ROBO2: variants seen among roughly 807,000 people sequenced by gnomAD.
ROBO2 encodes the protein roundabout guidance receptor 2, also known as roundabout homolog 2.
A neutral mutation model predicts 160.8 loss-of-function variants in ROBO2; 53 were observed. That is an observed-to-expected ratio of 0.33 (90% CI 0.26 to 0.41). The LOEUF (loss-of-function observed/expected upper bound fraction) is 0.41, where lower values mean the gene tolerates loss of function less well. Among genes scored for constraint, ROBO2 ranks in the 10% least tolerant of loss-of-function variants. The probability of loss-of-function intolerance (pLI) is 1.00; values close to 1 mark genes in which losing one functional copy is unlikely to be tolerated. For synonymous variants in ROBO2, 664 were observed against 611.7 expected (o/e 1.09, Z -1.26); for missense variants, 1,577 against 1,722.4 (o/e 0.92, Z 1.49).
intron 2 of ROBO2, among the ~76,000 whole-genome samples, chr3:76,378,157 A>T (rs567350705): frequency 6.6e-6 from 1 of 152,200 alleles, no homozygotes; most frequent in African/African-American, 2.4e-5. Flanking sequence ...TGATTAGATG[A>T]ATAAACCTTA....
chr3:77,326,163 T>G (rs913769038), intron 2 of ROBO2, among the ~76,000 whole-genome samples: 3 of 152,200 alleles, frequency 2.0e-5, no homozygotes, highest in Non-Finnish European at 4.4e-5. Context: ...ATGGAATGAT[T>G]CCAGTCGTAA....
chr3:76,485,176 A>C (rs1471670871), intron 2 of ROBO2, among the ~76,000 whole-genome samples: 2 of 152,028 alleles, frequency 1.3e-5, no homozygotes, highest in African/African-American at 4.8e-5. Context: ...GAAAAAGTAT[A>C]CAATTCTCAT....
intron 2 of ROBO2, among the ~76,000 whole-genome samples, chr3:76,955,971 TGGC>T (rs2079226527): frequency 6.6e-6 from 1 of 151,992 alleles, no homozygotes; most frequent in Non-Finnish European, 1.5e-5. Context: ...CAGTGGAATG[TGGC>T]CTTAACCCAC....
intron 2 of ROBO2, among the ~76,000 whole-genome samples, chr3:77,258,868 G>A (rs866735501): frequency 1.4e-4 from 21 of 152,276 alleles, no homozygotes; most frequent in Middle Eastern, 6.8e-3. Context: ...TTAATTCATG[G>A]ATGCTTTGCA....
chr3:75,971,911 T>A (rs1200039091), intron 2 of ROBO2, among the ~76,000 whole-genome samples: 1 of 151,556 alleles, frequency 6.6e-6, no homozygotes, highest in Admixed American at 6.6e-5. Context: ...AAGTACATAA[T>A]AAAATATAGC....
intron 2 of ROBO2, among the ~76,000 whole-genome samples, chr3:76,470,248 G>A (rs2078586361): frequency 6.6e-6 from 1 of 152,150 alleles, no homozygotes. Flanking sequence ...ATTGATAAGT[G>A]GATTCTATTT....
At chr3:76,756,695 G>A (rs1252347357) in intron 2 of ROBO2, among the ~76,000 whole-genome samples, 3 of 151,676 alleles carry the variant, frequency 2.0e-5, no homozygotes, top group African/African-American at 7.3e-5. Context: ...ACTGGATAGC[G>A]GCCGGGAGTA....
At chr3:76,646,785 A>G (rs535453742) in intron 2 of ROBO2, among the ~76,000 whole-genome samples, 2 of 152,310 alleles carry the variant, frequency 1.3e-5, no homozygotes, top group African/African-American at 4.8e-5. Flanking sequence ...GGATGCAATA[A>G]TCACAGCAAT....
At chr3:77,117,128 A>G (rs1424972016) in intron 2 of ROBO2, among the ~76,000 whole-genome samples, 1 of 152,202 alleles carries the variant, frequency 6.6e-6, no homozygotes, top group Non-Finnish European at 1.5e-5. Flanking sequence ...TTGCACTGTA[A>G]ATATGCTTTG....
At chr3:77,416,518 A>G (rs1296273561) in intron 2 of ROBO2, among the ~76,000 whole-genome samples, 6 of 151,918 alleles carry the variant, frequency 3.9e-5, no homozygotes, top group East Asian at 1.9e-4. Flanking sequence ...TGAGTTTGAG[A>G]ACAGCATGGC....
At chr3:77,522,729 C>T (rs374934235) in intron 5 of ROBO2, 46 bp from the exon 6 acceptor site, 154 of 1,574,484 alleles carry the variant, frequency 9.8e-5, no homozygotes, top group East Asian at 4.5e-4. Context: ...TGTTATTATC[C>T]GTATAGCTAC....
At chr3:77,108,615 T>G (rs1183686593) in intron 2 of ROBO2, among the ~76,000 whole-genome samples, 1 of 152,106 alleles carries the variant, frequency 6.6e-6, no homozygotes, top group East Asian at 1.9e-4. Flanking sequence ...CAGTGAACCT[T>G]CCACCCTGGT....
intron 1 of ROBO2, among the ~76,000 whole-genome samples, chr3:77,068,442 A>G (rs1399818906): frequency 2.0e-5 from 3 of 152,120 alleles, no homozygotes; most frequent in Non-Finnish European, 2.9e-5. Context: ...TATTAAGAAT[A>G]TAATCTTTGT....
intron 2 of ROBO2, among the ~76,000 whole-genome samples, chr3:76,751,737 A>G (rs911665383): frequency 9.9e-5 from 15 of 152,268 alleles, no homozygotes; most frequent in African/African-American, 2.9e-4. Context: ...CAAAACCACA[A>G]TGAGATACCA....
chr3:77,439,760 T>C (rs1247151273), intron 2 of ROBO2, among the ~76,000 whole-genome samples: 1 of 152,122 alleles, frequency 6.6e-6, no homozygotes, highest in African/African-American at 2.4e-5. Flanking sequence ...TCCCCAATTT[T>C]CCTCTCATTT....
intron 5 of ROBO2, among the ~76,000 whole-genome samples, chr3:77,516,527 A>G (rs143744332): frequency 1.3e-5 from 2 of 151,710 alleles, no homozygotes; most frequent in African/African-American, 4.8e-5. Flanking sequence ...TTTGTTTTAT[A>G]CATTCTGCTA....
intron 2 of ROBO2, among the ~76,000 whole-genome samples, chr3:76,877,488 C>A (rs1372491328): frequency 6.6e-6 from 1 of 152,106 alleles, no homozygotes; most frequent in Non-Finnish European, 1.5e-5. Context: ...GAAACATGAT[C>A]AATACAAACC....
chr3:76,644,228 C>T (rs2090850552), intron 2 of ROBO2, among the ~76,000 whole-genome samples: 1 of 152,130 alleles, frequency 6.6e-6, no homozygotes, highest in African/African-American at 2.4e-5. Context: ...TGCAGGAAAA[C>T]CCTGCCATGA....
intron 2 of ROBO2, among the ~76,000 whole-genome samples, chr3:77,440,320 C>G (rs139640800): frequency 5.3e-5 from 8 of 152,208 alleles, no homozygotes; most frequent in Middle Eastern, 3.4e-3. Context: ...TATTTTACAT[C>G]CTTGTTTTTA....
Sources: allele counts gnomAD v4.1 joint callset (sites outside exome capture counted in the v4.1 genomes callset), GRCh38; gene constraint gnomAD v4.1.1; transcripts MANE v1.5; gene names NCBI Gene and HGNC (gene_info 2026-07-23, HGNC 2026-07-21).